The following GPC6 variants were observed in gnomAD, a reference collection of about 807,000 sequenced individuals.
GPC6 encodes glypican 6.
Under a neutral mutation model 55.2 loss-of-function variants are expected in GPC6, and 14 were observed. The observed-to-expected ratio is 0.25, with a 90% CI of 0.17 to 0.40. The LOEUF is 0.40. Ranked by LOEUF, GPC6 falls within the 10% of genes least tolerant of loss-of-function variation. GPC6 has a pLI of 1.00. For synonymous variants in GPC6, 278 were observed against 259.6 expected, an observed-to-expected ratio of 1.07 and a Z score of -0.68; for missense variants, 641 against 708.5, an observed-to-expected ratio of 0.90 and a Z score of 1.08.
rs146346078 is a variant in GPC6, at chr13:93,973,388, G to A, written c.712-54341G>A. Among the ~76,000 whole-genome samples the A allele has an allele frequency of 5.8e-3, 882 of 152,240 alleles. 7 individuals carry two copies. Among genetic ancestry groups the A allele is most frequent in the African/African-American group, 0.02 (816 of 41,548 alleles). On this transcript the variant is annotated intron_variant, in intron 3 of 8. Transcript: ENST00000377047. ...AAACGTCCTTAGGCTGCACATGAACGTATTTCCATTATCACATTTGGTCTG... is the reference window on the plus strand; with the variant it reads ...AAACGTCCTTAGGCTGCACATGAACATATTTCCATTATCACATTTGGTCTG...
At chr13:94,054,153 G>A (rs1052403827) in intron 4 of GPC6, among the ~76,000 whole-genome samples, 1 of 152,116 alleles carries the variant, frequency 6.6e-6, no homozygotes, top group African/African-American at 2.4e-5. Flanking sequence ...AAAGAAGAGG[G>A]GACTCTAAAC....
At position 93,541,127 on chromosome 13, in the gene GPC6, A is replaced by G. The variant is rs377266684; in HGVS notation, c.161-4136A>G. Among the ~76,000 whole-genome samples the G allele has an allele frequency of 2.0e-4, 29 of 147,748 alleles. No individual in the cohort carries two copies. In the South Asian group the frequency reaches 6.3e-3, roughly 32 times the overall value. ...GCCATGCTGGTGTGCTGCACCCACT[A>G]ACTCGTCATTTAGCATTAGGTATAT... On this transcript the variant is annotated intron_variant, in intron 1 of 8. Coordinates refer to ENST00000377047, the MANE Select transcript of GPC6 (RefSeq NM_005708.5).
chr13:93,499,917 A>T (rs1420243719), intron 1 of GPC6, among the ~76,000 whole-genome samples: 3 of 152,220 alleles, frequency 2.0e-5, no homozygotes, highest in African/African-American at 7.2e-5. Flanking sequence ...GGTATGCCTT[A>T]GGATGAGTGT....
chr13:93,663,936 G>A (rs186923059), intron 2 of GPC6, among the ~76,000 whole-genome samples: 1 of 152,272 alleles, frequency 6.6e-6, no homozygotes, highest in East Asian at 1.9e-4. Flanking sequence ...GCTAGAGGAG[G>A]CAAGAGCATG....
intron 3 of GPC6, among the ~76,000 whole-genome samples, chr13:93,908,756 C>A (rs552658546): frequency 1.3e-5 from 2 of 152,168 alleles, no homozygotes; most frequent in African/African-American, 4.8e-5. Context: ...TCTACTCCAG[C>A]TTTCTTACTG....
At chr13:94,348,317 C>G (rs548122167) in intron 6 of GPC6, among the ~76,000 whole-genome samples, 7 of 152,324 alleles carry the variant, frequency 4.6e-5, no homozygotes, top group African/African-American at 1.7e-4. Context: ...CTTTGTGACA[C>G]AAGTATTTCA....
intron 2 of GPC6, among the ~76,000 whole-genome samples, chr13:93,634,094 C>T (rs937506937): frequency 6.6e-6 from 1 of 152,154 alleles, no homozygotes; most frequent in Non-Finnish European, 1.5e-5. Flanking sequence ...TTCCCTCAAT[C>T]CCATTCGAAG....
intron 2 of GPC6, among the ~76,000 whole-genome samples, chr13:93,619,802 A>C (rs749292857): frequency 1.2e-4 from 19 of 152,244 alleles, no homozygotes; most frequent in South Asian, 2.1e-4. Flanking sequence ...TTATATATAC[A>C]GCCAGTGTTT....
At chr13:93,354,520 T>TTA (rs1398989623) in intron 1 of GPC6, among the ~76,000 whole-genome samples, 9 of 47,122 alleles carry the variant, frequency 1.9e-4, no homozygotes, top group African/African-American at 8.4e-4. Flanking sequence ...TCGGCTATTA[T>TTA]TTTTTTTTTT....
At chr13:94,372,768 A>C (rs371286066) in intron 6 of GPC6, among the ~76,000 whole-genome samples, 1 of 151,858 alleles carries the variant, frequency 6.6e-6, no homozygotes, top group Non-Finnish European at 1.5e-5. Context: ...GCAGGGCACA[A>C]ACAAACAAAA....
chr13:93,429,454 G>C (rs922671471), intron 1 of GPC6, among the ~76,000 whole-genome samples: 1 of 152,166 alleles, frequency 6.6e-6, no homozygotes, highest in Non-Finnish European at 1.5e-5. Context: ...AGTCCAGTGA[G>C]TGAGGCAAAC....
intron 3 of GPC6, among the ~76,000 whole-genome samples, chr13:93,848,060 CCAGT>C (rs1888260506): frequency 6.6e-6 from 1 of 152,152 alleles, no homozygotes; most frequent in Non-Finnish European, 1.5e-5. Context: ...ATTTCTGGGG[CCAGT>C]CAATTTAATG....
Position 93,830,161 on chromosome 13 carries a change from C to G in GPC6, c.327C>G (p.Phe109Leu), listed in dbSNP as rs1887427851. The part of the protein sequence containing the change: ...VSRHKKFDEF[F>L]RELLENAEKS... ...TTTCTGTTTTATCTGCAGAATTTTT[C>G]CGAGAGCTCCTGGAGAATGCAGAAA... Residue 109 changes from phenylalanine to leucine, a missense_variant, in exon 3 of 9, where the codon TTC becomes TTG. Physicochemically the swap from Phe to Leu is conservative, Grantham distance 22. Coordinates refer to ENST00000377047, the MANE Select transcript of GPC6 (RefSeq NM_005708.5). 1 of 1,607,592 alleles carries G rather than the reference C, an allele frequency of 6.2e-7. No individual in the cohort carries two copies. Among genetic ancestry groups the G allele is most frequent in the Non-Finnish European group, 8.5e-7 (1 of 1,176,384 alleles).
intron 1 of GPC6, among the ~76,000 whole-genome samples, chr13:93,392,759 G>A (rs560202162): frequency 4.6e-5 from 7 of 152,106 alleles, no homozygotes; most frequent in African/African-American, 1.7e-4. Flanking sequence ...TTCACTAACC[G>A]TAGTGAAATA....
intron 3 of GPC6, among the ~76,000 whole-genome samples, chr13:93,930,406 G>A (rs564548139): frequency 1.8e-4 from 27 of 151,576 alleles, no homozygotes; most frequent in African/African-American, 6.3e-4. Flanking sequence ...CGAGTAGCTG[G>A]GACTACAGGC....
intron 1 of GPC6, among the ~76,000 whole-genome samples, chr13:93,472,470 C>T (rs1286449396): frequency 1.3e-5 from 2 of 152,302 alleles, no homozygotes; most frequent in Non-Finnish European, 2.9e-5. Flanking sequence ...GAGTGGGCAG[C>T]TCCAGGTGCC....
chr13:93,593,122 A>G (rs1180000833), intron 2 of GPC6, among the ~76,000 whole-genome samples: 1 of 152,162 alleles, frequency 6.6e-6, no homozygotes, highest in Admixed American at 6.5e-5. Flanking sequence ...AGAACATTTG[A>G]AAAAATGACT....
intron 2 of GPC6, among the ~76,000 whole-genome samples, chr13:93,614,207 G>C (rs536006124): frequency 5.3e-5 from 8 of 152,252 alleles, no homozygotes; most frequent in African/African-American, 7.2e-5. Flanking sequence ...GTGAATCACT[G>C]TGTATTACTC....
intron 3 of GPC6, among the ~76,000 whole-genome samples, chr13:93,906,487 A>G (rs1398051594): frequency 6.6e-6 from 1 of 152,212 alleles, no homozygotes; most frequent in Admixed American, 6.5e-5. Flanking sequence ...TCCAAAATCC[A>G]ATGCTCATTG....
Sources: gnomAD v4.1 joint callset for allele counts (sites outside exome capture counted in the v4.1 genomes callset) on GRCh38, gnomAD v4.1.1 for gene constraint, MANE v1.5 for transcripts, NCBI Gene and HGNC (gene_info 2026-07-23, HGNC 2026-07-21) for gene names.